CHSY3: variants seen among roughly 807,000 people sequenced by gnomAD.
CHSY3 encodes the protein N-acetylgalactosaminyl-proteoglycan 3-beta-glucuronosyltransferase 3.
CHSY3 carries 35 observed loss-of-function variants against 67.2 expected under a neutral mutation model. That is an observed-to-expected ratio of 0.52 (90% CI 0.40 to 0.69). CHSY3 has a LOEUF of 0.69. Among genes scored for constraint, CHSY3 ranks in the 30% least tolerant of loss-of-function variants. The pLI, the probability that CHSY3 is intolerant of heterozygous loss-of-function variation, is 0.00. For synonymous variants in CHSY3, 474 were observed against 434.7 expected (o/e 1.09, Z -1.12); for missense variants, 1,069 against 1,138.5 (o/e 0.94, Z 0.88).
At chr5:130,053,173 G>T (rs934415940) in intron 2 of CHSY3, among the ~76,000 whole-genome samples, 6 of 152,084 alleles carry the variant, frequency 3.9e-5, no homozygotes, top group African/African-American at 1.4e-4. Context: ...GAAATAGCTG[G>T]TCTGTATAGA....
intron 2 of CHSY3, among the ~76,000 whole-genome samples, chr5:130,028,844 A>G (rs1374012355): frequency 6.6e-6 from 1 of 150,378 alleles, no homozygotes; most frequent in African/African-American, 2.5e-5. Context: ...GTTTTATCTC[A>G]TTATCATTCT....
rs190261796 is a variant in CHSY3 at position 130,180,472 on chromosome 5, A to G, written c.1087-3757A>G. On this transcript the variant is annotated intron_variant, in intron 2 of 2. Coordinates refer to ENST00000305031, the MANE Select transcript of CHSY3 (RefSeq NM_175856.5). ...CACAATCTAGTTTTACAAATTTTCC[A>G]TTGCTCCAAAAGTTACCTTGTGCCT... Among the ~76,000 whole-genome samples the G allele has an allele frequency of 2.0e-5, 3 of 152,202 alleles. No individual in the cohort carries two copies. The East Asian group carries it at 5.8e-4, about 29-fold the overall frequency.
intron 2 of CHSY3, among the ~76,000 whole-genome samples, chr5:130,096,672 A>G (rs1468449825): frequency 6.6e-6 from 1 of 151,974 alleles, no homozygotes; most frequent in East Asian, 1.9e-4. Flanking sequence ...GTTCTTTTCT[A>G]AGTATGACGT....
At chr5:129,988,458 G>T (rs895210456) in intron 2 of CHSY3, among the ~76,000 whole-genome samples, 2 of 152,184 alleles carry the variant, frequency 1.3e-5, no homozygotes, top group Non-Finnish European at 2.9e-5. Flanking sequence ...CACTGTCATG[G>T]TGTCTTCTAG....
chr5:129,956,734 C>G (rs571368310), intron 2 of CHSY3, among the ~76,000 whole-genome samples: 2 of 151,680 alleles, frequency 1.3e-5, no homozygotes, highest in South Asian at 4.2e-4. Flanking sequence ...GTCCTCGTTG[C>G]TTGGTTTTTT....
At chr5:130,010,287 G>C (rs1764017322) in intron 2 of CHSY3, among the ~76,000 whole-genome samples, 1 of 151,972 alleles carries the variant, frequency 6.6e-6, no homozygotes, top group African/African-American at 2.4e-5. Flanking sequence ...CCATACTCTT[G>C]GACCACAGTG....
chr5:130,061,165 T>C (rs1765700167), intron 2 of CHSY3, among the ~76,000 whole-genome samples: 1 of 152,140 alleles, frequency 6.6e-6, no homozygotes, highest in Non-Finnish European at 1.5e-5. Context: ...CAAATTATAC[T>C]ACAAGGCCAT....
chr5:130,096,697 C>CATTTTTTTTAGT (rs1767059739), intron 2 of CHSY3, among the ~76,000 whole-genome samples: 1 of 151,840 alleles, frequency 6.6e-6, no homozygotes, highest in Non-Finnish European at 1.5e-5. Context: ...TGTTGCCAAC[C>CATTTTTTTTAGT]ATTTTTTTTA....
intron 2 of CHSY3, among the ~76,000 whole-genome samples, chr5:130,012,820 C>T (rs866353376): frequency 9.9e-5 from 15 of 152,026 alleles, no homozygotes; most frequent in African/African-American, 1.2e-4. Context: ...CATGTCCTCA[C>T]GTTTCAAAAC....
Position 129,908,213 on chromosome 5 carries a change from T to G in CHSY3, c.939T>G (p.Pro313=). 6.2e-7 allele frequency: 1 copy of G among 1,614,178 alleles called. No homozygotes were observed. The highest frequency in any genetic ancestry group is 1.1e-5 in the South Asian group (1 of 91,082). Residue 313 remains proline (P), a synonymous_variant, in exon 2 of 3, where the codon CCT becomes CCG. Coordinates refer to ENST00000305031, the MANE Select transcript of CHSY3 (RefSeq NM_175856.5). ...EPGENFCMGG[P]GMIFSREVLR... Reference sequence around the variant, plus strand: ...GGGAAAACTTCTGTATGGGAGGACCTGGCATGATCTTTAGCCGAGAAGTTC... The same window carrying G: ...GGGAAAACTTCTGTATGGGAGGACCGGGCATGATCTTTAGCCGAGAAGTTC...
intron 2 of CHSY3, chr5:130,140,100 G>T: frequency 9.4e-6 from 2 of 213,276 alleles, no homozygotes; most frequent in South Asian, 1.6e-4. Context: ...TTTCCAGCAT[G>T]AACAAGTAGA....
At chr5:130,123,096 A>T (rs1221325507) in intron 2 of CHSY3, among the ~76,000 whole-genome samples, 1 of 152,214 alleles carries the variant, frequency 6.6e-6, no homozygotes, top group Non-Finnish European at 1.5e-5. Context: ...AACGCAAGTT[A>T]AATAGAGCCA....
At chr5:130,002,490 A>G (rs1763756190) in intron 2 of CHSY3, among the ~76,000 whole-genome samples, 2 of 152,152 alleles carry the variant, frequency 1.3e-5, no homozygotes, top group South Asian at 2.1e-4. Flanking sequence ...CTGAGCTTGC[A>G]TGGTCCCTCC....
intron 2 of CHSY3, among the ~76,000 whole-genome samples, chr5:129,958,316 A>G (rs1208923263): frequency 6.6e-6 from 1 of 152,040 alleles, no homozygotes; most frequent in African/African-American, 2.4e-5. Flanking sequence ...GATTTCTTCT[A>G]CTGGTATATA....
At chr5:129,924,598 A>G (rs1761034681) in intron 2 of CHSY3, among the ~76,000 whole-genome samples, 1 of 151,320 alleles carries the variant, frequency 6.6e-6, no homozygotes, top group South Asian at 2.1e-4. Flanking sequence ...GTGAGCCGAG[A>G]TCATGCCACT....
chr5:130,173,660 A>G (rs1769961748), intron 2 of CHSY3, among the ~76,000 whole-genome samples: 1 of 152,190 alleles, frequency 6.6e-6, no homozygotes, highest in Non-Finnish European at 1.5e-5. Flanking sequence ...ATATGCATAC[A>G]GGATATGAAG....
At chr5:129,923,764 G>C (rs191372958) in intron 2 of CHSY3, among the ~76,000 whole-genome samples, 7 of 152,266 alleles carry the variant, frequency 4.6e-5, no homozygotes, top group African/African-American at 1.7e-4. Context: ...GTAGTAAAAC[G>C]GGATGAGAGA....
At chr5:130,159,159 G>A (rs1361846099) in intron 2 of CHSY3, among the ~76,000 whole-genome samples, 3 of 81,346 alleles carry the variant, frequency 3.7e-5, no homozygotes, top group African/African-American at 1.2e-4. Context: ...ATTAAGATTT[G>A]TCTTTTTTTT....
At chr5:130,145,543 C>T (rs923461120) in intron 2 of CHSY3, among the ~76,000 whole-genome samples, 1 of 152,072 alleles carries the variant, frequency 6.6e-6, no homozygotes, top group Admixed American at 6.6e-5. Flanking sequence ...TTGGCCTGGG[C>T]AAGAATTTTT....
Sources: allele counts gnomAD v4.1 joint callset (sites outside exome capture counted in the v4.1 genomes callset), GRCh38; gene constraint gnomAD v4.1.1; transcripts MANE v1.5; gene names NCBI Gene and HGNC (gene_info 2026-07-23, HGNC 2026-07-21).